Variants in CDCP1 observed in about 807,000 individuals in gnomAD.
CDCP1 encodes the protein CUB domain-containing protein 1.
Under a neutral mutation model 60.2 loss-of-function variants are expected in CDCP1, and 29 were observed. The ratio of observed to expected loss-of-function variants is 0.48; its 90% CI spans 0.36 to 0.66. CDCP1 has a LOEUF of 0.66. Among genes scored for constraint, CDCP1 ranks in the 30% least tolerant of loss-of-function variants. The pLI, the probability that CDCP1 is intolerant of heterozygous loss-of-function variation, is 0.00. For synonymous variants in CDCP1, 387 were observed against 431.1 expected (o/e 0.90, Z 1.27); for missense variants, 876 against 1,074.3 (o/e 0.82, Z 2.58).
intron 1 of CDCP1, among the ~76,000 whole-genome samples, chr3:45,136,668 T>TA (rs1357602911): frequency 3.3e-5 from 5 of 152,362 alleles, no homozygotes; most frequent in Admixed American, 1.3e-4. Context: ...TTAACACTTC[T>TA]ACTGCATCCC....
intron 1 of CDCP1, among the ~76,000 whole-genome samples, chr3:45,120,338 A>G (rs1237907053): frequency 6.6e-6 from 1 of 152,124 alleles, no homozygotes; most frequent in South Asian, 2.1e-4. Flanking sequence ...ATGGAAATTG[A>G]TCTCCCAACC....
intron 1 of CDCP1, among the ~76,000 whole-genome samples, chr3:45,144,198 G>C (rs1269990438): frequency 2.6e-5 from 4 of 152,070 alleles, no homozygotes; most frequent in Non-Finnish European, 4.4e-5. Flanking sequence ...CATCTCTGCA[G>C]TGACACCAAA....
chr3:45,111,990 A>C, intron 3 of CDCP1, 93 bp downstream of exon 3: 3 of 1,452,410 alleles, frequency 2.1e-6, no homozygotes, highest in Non-Finnish European at 2.8e-6. Flanking sequence ...ATTGAGTATT[A>C]GAGATTTGCT....
chr3:45,095,003 G>A (rs767778085), intron 5 of CDCP1, among the ~76,000 whole-genome samples: 1 of 150,572 alleles, frequency 6.6e-6, no homozygotes, highest in Non-Finnish European at 1.5e-5. Context: ...GTGCAATCTC[G>A]GCTCACTGCA....
rs4682765 is a variant in CDCP1, at chr3:45,084,074, C to T, written c.*1564G>A. 35,612 of 151,968 alleles carry T rather than the reference C, an allele frequency of 0.23. 5,853 individuals are homozygous for T. The highest frequency in any genetic ancestry group is 0.74 in the East Asian group (3,778 of 5,138). The allele number at this position is 151,968 out of a possible 1,614,324, so 9.4% of individuals were successfully genotyped here. ...GCATTGATCAGTAGAAACAAACACTCAGCCTCATTGTGGGAAGTGATAGGG... is the reference window on the plus strand; with the variant it reads ...GCATTGATCAGTAGAAACAAACACTTAGCCTCATTGTGGGAAGTGATAGGG... On this transcript the variant is annotated 3_prime_UTR_variant, in exon 9 of 9. Coordinates refer to ENST00000296129, the MANE Select transcript of CDCP1 (RefSeq NM_022842.5).
Position 45,091,147 on chromosome 3 carries a change from T to C in CDCP1, c.1993+26A>G. ...GCTGACAATTTTTTGTTCATCACTG[T>C]CCCCAAAGACCCTGAAGGCCCTTAC... On this transcript the variant is annotated intron_variant, in intron 7 of 8. Transcript: ENST00000296129. The surrounding 1 kb of genome is among the most constrained non-coding windows in gnomAD (Gnocchi z 4.8). The C allele has an allele frequency of 6.3e-7, 1 of 1,591,768 alleles. No individual in the cohort carries two copies. Among genetic ancestry groups the C allele is most frequent in the Admixed American group, 1.7e-5 (1 of 58,116 alleles).
intron 4 of CDCP1, among the ~76,000 whole-genome samples, chr3:45,101,085 C>T (rs1286523333): frequency 6.6e-6 from 1 of 152,236 alleles, no homozygotes; most frequent in Non-Finnish European, 1.5e-5. Flanking sequence ...TGTGACACAG[C>T]AGTCTTGCGA....
intron 4 of CDCP1, among the ~76,000 whole-genome samples, chr3:45,108,272 C>A (rs1393284444): frequency 6.6e-6 from 1 of 152,090 alleles, no homozygotes; most frequent in Admixed American, 6.5e-5. Context: ...CTCAGGCAGT[C>A]CAGCCCAACC....
chr3:45,085,873 A>G lies in CDCP1; in HGVS notation c.2276T>C (p.Val759Ala), dbSNP rs1300663404. 1 of 1,614,064 alleles carries G rather than the reference A, an allele frequency of 6.2e-7. No homozygotes were observed. Among genetic ancestry groups the G allele is most frequent in the Non-Finnish European group, 8.5e-7 (1 of 1,179,992 alleles). The stretch of plus-strand genomic sequence containing the variant: ...GCCCTGGAACGGCCGGTAGGTGTCC[A>G]CCTCTGGCTGCAGGAAGGAGCCGCT... ...DSSGSFLQPE[V>A]DTYRPFQGTM... Residue 759 changes from valine (V) to alanine (A), a missense_variant, in exon 9 of 9, where the codon GTG (valine) becomes GCG (alanine). This residue lies in a region of CDCP1 where 726 missense variants were observed against 935.7 expected (regional missense o/e 0.78). Transcript: ENST00000296129. The surrounding 1 kb of genome is among the most constrained non-coding windows in gnomAD (Gnocchi z 4.2).
intron 1 of CDCP1, among the ~76,000 whole-genome samples, chr3:45,122,484 C>A (rs1231456699): frequency 6.6e-6 from 1 of 151,120 alleles, no homozygotes; most frequent in African/African-American, 2.4e-5. Flanking sequence ...TTTTTTGAGA[C>A]AGAGTTTCCC....
intron 1 of CDCP1, among the ~76,000 whole-genome samples, chr3:45,144,238 G>T (rs1699343475): frequency 6.6e-6 from 1 of 151,998 alleles, no homozygotes; most frequent in African/African-American, 2.4e-5. Context: ...GTCTTTCTTT[G>T]TTAAGAGACT....
At chr3:45,116,616 C>T (rs1698794678) in intron 2 of CDCP1, among the ~76,000 whole-genome samples, 1 of 152,188 alleles carries the variant, frequency 6.6e-6, no homozygotes, top group Non-Finnish European at 1.5e-5. Flanking sequence ...CCTAAGACAC[C>T]TACTATCGGA....
At chr3:45,135,647 T>C (rs1220654753) in intron 1 of CDCP1, among the ~76,000 whole-genome samples, 1 of 152,090 alleles carries the variant, frequency 6.6e-6, no homozygotes, top group Non-Finnish European at 1.5e-5. Context: ...AAATAAACAT[T>C]GTGGGGTTAT....
rs1698676214 is a variant in CDCP1 at position 45,110,775 on chromosome 3, GGGTAGTT to G, written c.715_721del (p.Asn239GlnfsTer10). ...GAGCTCATCCTCAGGGAAGCCTTCTGGGTAGTTGGCAGACATCAGGGTTGCTGAGCCT... is the reference window on the plus strand; with the variant it reads ...GAGCTCATCCTCAGGGAAGCCTTCTGGGCAGACATCAGGGTTGCTGAGCCT... On this transcript the variant is annotated frameshift_variant, in exon 4 of 9. Coordinates refer to ENST00000296129, the MANE Select transcript of CDCP1 (RefSeq NM_022842.5). LOFTEE classifies it high-confidence loss of function. 1 of 1,614,054 alleles carries G rather than the reference GGGTAGTT, an allele frequency of 6.2e-7. No individual in the cohort carries two copies. Among genetic ancestry groups the G allele is most frequent in the African/African-American group, 1.3e-5 (1 of 74,922 alleles).
At chr3:45,108,444 G>A (rs1363721904) in intron 4 of CDCP1, among the ~76,000 whole-genome samples, 5 of 152,144 alleles carry the variant, frequency 3.3e-5, no homozygotes, top group South Asian at 2.1e-4. Flanking sequence ...TTTATAGCAC[G>A]TTTAACAATT....
intron 1 of CDCP1, among the ~76,000 whole-genome samples, chr3:45,135,568 T>C (rs1016901783): frequency 4.6e-5 from 7 of 152,226 alleles, no homozygotes; most frequent in African/African-American, 1.7e-4. Flanking sequence ...GAATTGCGTC[T>C]TTCCAGACAG....
intron 8 of CDCP1, 67 bp from the exon 9 acceptor site, chr3:45,086,134 T>C (rs963088935): frequency 7.1e-5 from 97 of 1,373,634 alleles, no homozygotes; most frequent in Non-Finnish European, 2.0e-5. Flanking sequence ...ACCATTGCTA[T>C]GGCCCTGCTA....
chr3:45,097,857 TTTAA>T (rs1305482161), intron 4 of CDCP1, among the ~76,000 whole-genome samples: 1 of 152,250 alleles, frequency 6.6e-6, no homozygotes, highest in Non-Finnish European at 1.5e-5. Context: ...CCAATAGTGC[TTTAA>T]TTAGAGAGAT....
chr3:45,112,041 T>G, intron 3 of CDCP1, 42 bp downstream of exon 3: 1 of 1,586,724 alleles, frequency 6.3e-7, no homozygotes, highest in East Asian at 2.2e-5. Context: ...GATGATCTTG[T>G]GTGTTTTAAC....
Sources: allele counts gnomAD v4.1 joint callset (sites outside exome capture counted in the v4.1 genomes callset), GRCh38; gene constraint gnomAD v4.1.1; regional missense constraint gnomAD v4.1.1; non-coding constraint Gnocchi (gnomAD v3.1); transcripts MANE v1.5; gene names NCBI Gene and HGNC (gene_info 2026-07-23, HGNC 2026-07-21).